The following DLG2 variants were observed in gnomAD, a reference collection of about 807,000 sequenced individuals.
The protein encoded by DLG2 is discs large MAGUK scaffold protein 2.
A neutral mutation model predicts 132.5 loss-of-function variants in DLG2; 45 were observed. That is an observed-to-expected ratio of 0.34 (90% CI 0.27 to 0.44). DLG2 has a LOEUF of 0.44. DLG2 is among the 20% of genes least tolerant of loss of function. The pLI, the probability that DLG2 is intolerant of heterozygous loss-of-function variation, is 1.00. For missense variants in DLG2, 1,045 were observed against 1,196.9 expected (o/e 0.87, Z 1.87); for synonymous variants, 424 against 419.6 (o/e 1.01, Z -0.13).
At chr11:83,828,851 AGT>A (rs769342895) in intron 17 of DLG2, among the ~76,000 whole-genome samples, 1 of 151,440 alleles carries the variant, frequency 6.6e-6, no homozygotes, top group Non-Finnish European at 1.5e-5. Context: ...CTCTTTCTTC[AGT>A]GTGTGTGTAT....
At chr11:84,355,365 T>C (rs1253257035) in intron 7 of DLG2, among the ~76,000 whole-genome samples, 1 of 151,860 alleles carries the variant, frequency 6.6e-6, no homozygotes, top group Admixed American at 6.6e-5. Flanking sequence ...TATTAGGAAG[T>C]GGGACCTTTG....
intron 3 of DLG2, among the ~76,000 whole-genome samples, chr11:85,529,996 T>TTTG (rs534192079): frequency 6.7e-6 from 1 of 149,912 alleles, no homozygotes; most frequent in African/African-American, 2.5e-5. Context: ...TGTTTTTTTT[T>TTTG]TTTTTTTTTT....
chr11:84,667,394 T>C (rs188368889), intron 6 of DLG2, among the ~76,000 whole-genome samples: 36 of 151,676 alleles, frequency 2.4e-4, no homozygotes, highest in African/African-American at 8.7e-4. Flanking sequence ...TATGAATTCA[T>C]GTATCATTCT....
intron 19 of DLG2, among the ~76,000 whole-genome samples, chr11:83,589,766 C>T (rs1220945865): frequency 4.8e-4 from 72 of 150,372 alleles, no homozygotes; most frequent in African/African-American, 1.7e-3. Flanking sequence ...CAGAGACACA[C>T]ATAGGCTCAA....
intron 9 of DLG2, among the ~76,000 whole-genome samples, chr11:84,134,231 G>A (rs12223856): frequency 6.6e-6 from 1 of 152,026 alleles, no homozygotes; most frequent in East Asian, 1.9e-4. Context: ...GAGAGCTTCT[G>A]ATCCAATCAG....
intron 4 of DLG2, among the ~76,000 whole-genome samples, chr11:85,208,997 A>C (rs998728945): frequency 6.6e-6 from 1 of 152,138 alleles, no homozygotes; most frequent in African/African-American, 2.4e-5. Context: ...TTGCAAGTAC[A>C]CTGGGTTCAT....
chr11:83,722,552 C>G (rs959943225), intron 18 of DLG2, among the ~76,000 whole-genome samples: 1 of 152,126 alleles, frequency 6.6e-6, no homozygotes, highest in Non-Finnish European at 1.5e-5. Context: ...TCCTCACCTC[C>G]AGAGGCGGGG....
intron 14 of DLG2, among the ~76,000 whole-genome samples, chr11:83,948,767 T>G: frequency 6.6e-6 from 1 of 152,166 alleles, no homozygotes; most frequent in Admixed American, 6.5e-5. Flanking sequence ...AGGCAAGGAC[T>G]TAACTGCTCT....
At chr11:84,622,103 T>C (rs1264501595) in intron 6 of DLG2, among the ~76,000 whole-genome samples, 2 of 152,200 alleles carry the variant, frequency 1.3e-5, no homozygotes, top group Non-Finnish European at 2.9e-5. Flanking sequence ...CTTAATAGTT[T>C]GTCCACAGAG....
chr11:85,552,804 CATCT>C (rs1369108978), intron 3 of DLG2, among the ~76,000 whole-genome samples: 4 of 151,170 alleles, frequency 2.6e-5, no homozygotes, highest in Non-Finnish European at 5.9e-5. Context: ...AAGAAACATT[CATCT>C]ATCTATTTAA....
rs540068462 is a variant in DLG2, at chr11:83,919,041, G to A, written c.1496+11287C>T. Among the ~76,000 whole-genome samples the A allele has an allele frequency of 7.4e-4, 113 of 152,280 alleles. 1 individual carries two copies. The highest frequency in any genetic ancestry group is 2.6e-3 in the African/African-American group (107 of 41,560). On this transcript the variant is annotated intron_variant, in intron 15 of 27. Transcript: ENST00000376104. ...GAGAAGAGTAAGGAAGTTCTTGTAAGTGAGGAGATTTCTATGGGAAAACAA... is the reference window on the plus strand; with the variant it reads ...GAGAAGAGTAAGGAAGTTCTTGTAAATGAGGAGATTTCTATGGGAAAACAA...
In DLG2 at chr11:84,654,815, A is replaced by G. The variant is rs543755233; in HGVS notation, c.358-120084T>C. On this transcript the variant is annotated intron_variant, in intron 6 of 27. Transcript: ENST00000376104. ...TGTGCTGGCATGAAGTTCAGAGGCA[A>G]GAGTTTGCTGACACTCCTCTGCTGG... Among the ~76,000 whole-genome samples the G allele has an allele frequency of 1.2e-3, 190 of 152,260 alleles. 4 individuals carry two copies. The South Asian group carries it at 0.038, about 30-fold the overall frequency.
At chr11:84,642,117 A>AGTGTGT (rs139383928) in intron 6 of DLG2, among the ~76,000 whole-genome samples, 3,175 of 138,782 alleles carry the variant, frequency 0.023, 123 homozygotes, top group South Asian at 0.16. Flanking sequence ...GTATATGTAG[A>AGTGTGT]GTGTGTGTGT....
In DLG2 at chr11:84,040,172, C is replaced by T. The variant is rs1303119556; in HGVS notation, c.919+19143G>A. ...AAATTTTCTCCCATTTTGTAGGTTG[C>T]CTGTTCACTCTGATGGTAGTTTCTT... is the stretch of plus-strand genomic sequence containing the variant. On this transcript the variant is annotated intron_variant, in intron 11 of 27. Coordinates refer to ENST00000376104, the MANE Select transcript of DLG2 (RefSeq NM_001142699.3). Among the ~76,000 whole-genome samples the T allele has an allele frequency of 1.7e-4, 25 of 150,324 alleles. 1 individual carries two copies. The South Asian group carries it at 5.1e-3, about 30-fold the overall frequency.
chr11:84,686,330 T>A (rs950661527), intron 6 of DLG2, among the ~76,000 whole-genome samples: 2 of 152,152 alleles, frequency 1.3e-5, no homozygotes, highest in African/African-American at 4.8e-5. Flanking sequence ...ATACGCAACT[T>A]CCTTGTTAAC....
At chr11:84,731,245 C>T (rs930069986) in intron 6 of DLG2, among the ~76,000 whole-genome samples, 21 of 152,098 alleles carry the variant, frequency 1.4e-4, no homozygotes, top group Middle Eastern at 3.4e-3. Flanking sequence ...AACTTTATCT[C>T]CCCCTTTTGG....
intron 6 of DLG2, among the ~76,000 whole-genome samples, chr11:84,712,723 T>C (rs1248639431): frequency 1.3e-5 from 2 of 152,152 alleles, no homozygotes; most frequent in Non-Finnish European, 2.9e-5. Context: ...GCTAAATGTT[T>C]TGATATGTGA....
chr11:85,105,856 A>G (rs1305475321), intron 6 of DLG2, among the ~76,000 whole-genome samples: 1 of 151,896 alleles, frequency 6.6e-6, no homozygotes, highest in Non-Finnish European at 1.5e-5. Context: ...ACACCCAGAG[A>G]GCAGACACAA....
chr11:83,967,787 A>T (rs1330493635), intron 12 of DLG2, among the ~76,000 whole-genome samples: 2 of 152,174 alleles, frequency 1.3e-5, no homozygotes, highest in Non-Finnish European at 2.9e-5. Flanking sequence ...CCAAAACAAC[A>T]TTGTCAATGA....
Sources: allele counts gnomAD v4.1 joint callset (sites outside exome capture counted in the v4.1 genomes callset), GRCh38; gene constraint gnomAD v4.1.1; transcripts MANE v1.5; gene names NCBI Gene and HGNC (gene_info 2026-07-23, HGNC 2026-07-21).